The following SP140L variants were observed in gnomAD, a reference collection of about 807,000 sequenced individuals.
SP140L encodes the protein SP140 like nuclear body protein.
SP140L carries 64 observed loss-of-function variants against 84.3 expected under a neutral mutation model. That is an observed-to-expected ratio of 0.76 (90% confidence interval 0.62 to 0.94). SP140L has a LOEUF of 0.94. SP140L is among the 40% of genes least tolerant of loss of function. The pLI, the probability that SP140L is intolerant of heterozygous loss-of-function variation, is 0.00. For synonymous variants in SP140L, 242 were observed against 236.9 expected, an observed-to-expected ratio of 1.02 and a Z score of -0.20; for missense variants, 628 against 692.5, an observed-to-expected ratio of 0.91 and a Z score of 1.05.
intron 5 of SP140L, among the ~76,000 whole-genome samples, chr2:230,366,980 G>A (rs891928753): frequency 1.3e-5 from 2 of 151,704 alleles, no homozygotes; most frequent in African/African-American, 4.8e-5. Flanking sequence ...TGTCCACCTC[G>A]GCCTCCCAAA....
chr2:230,366,891 C>G (rs2060896085), intron 5 of SP140L, among the ~76,000 whole-genome samples: 1 of 151,924 alleles, frequency 6.6e-6, no homozygotes. Flanking sequence ...TGCCACCAAG[C>G]CTGGCTAATT....
chr2:230,358,156 G>A (rs1269442580), intron 3 of SP140L, among the ~76,000 whole-genome samples, 189 bp downstream of exon 3: 6 of 152,148 alleles, frequency 3.9e-5, no homozygotes, highest in Admixed American at 2.6e-4. Flanking sequence ...GGAGAAACTG[G>A]AACGGAAACA....
At chr2:230,360,363 G>A (rs2149737563) in intron 4 of SP140L, among the ~76,000 whole-genome samples, 1 of 152,240 alleles carries the variant, frequency 6.6e-6, no homozygotes, top group Middle Eastern at 3.4e-3. Context: ...AGGCAATAAA[G>A]AAATACTACA....
intron 2 of SP140L, among the ~76,000 whole-genome samples, chr2:230,334,237 C>T (rs937485176): frequency 1.3e-5 from 2 of 152,188 alleles, no homozygotes; most frequent in African/African-American, 4.8e-5. Context: ...CATACATGGG[C>T]TTACTCCTTG....
At chr2:230,369,083 C>G (rs910807828) in intron 5 of SP140L, among the ~76,000 whole-genome samples, 5 of 152,188 alleles carry the variant, frequency 3.3e-5, no homozygotes, top group Non-Finnish European at 7.3e-5. Flanking sequence ...CTTATTTCAG[C>G]CTCTGTAGAT....
chr2:230,398,094 A>G (rs953928171), intron 14 of SP140L, among the ~76,000 whole-genome samples: 2 of 142,226 alleles, frequency 1.4e-5, no homozygotes, highest in Admixed American at 6.9e-5. Flanking sequence ...TTTAAAAAAT[A>G]TTGTTGCCTG....
chr2:230,370,064 A>C (rs7588461), intron 5 of SP140L, among the ~76,000 whole-genome samples: 5 of 151,868 alleles, frequency 3.3e-5, no homozygotes, highest in Non-Finnish European at 7.4e-5. Flanking sequence ...GAGCCACCGC[A>C]CCCTGCCACT....
At chr2:230,395,396 G>A (rs150359911) in intron 13 of SP140L, among the ~76,000 whole-genome samples, 8 of 152,014 alleles carry the variant, frequency 5.3e-5, no homozygotes, top group Non-Finnish European at 1.0e-4. Context: ...TGGACACATC[G>A]TGAGATATCA....
chr2:230,397,986 A>G (rs1470887455), intron 14 of SP140L, among the ~76,000 whole-genome samples: 3 of 152,208 alleles, frequency 2.0e-5, no homozygotes, highest in Non-Finnish European at 2.9e-5. Flanking sequence ...TCCAAGGCCA[A>G]TAAGAACATT....
intron 2 of SP140L, among the ~76,000 whole-genome samples, chr2:230,351,468 A>G (rs2060362178): frequency 6.6e-6 from 1 of 152,246 alleles, no homozygotes; most frequent in African/African-American, 2.4e-5. Context: ...TTGCCTATTA[A>G]TATCAGGTAT....
intron 7 of SP140L, among the ~76,000 whole-genome samples, chr2:230,381,015 G>A (rs13383901): frequency 0.23 from 34,946 of 151,888 alleles, 4,265 homozygotes; most frequent in Non-Finnish European, 0.28. Flanking sequence ...TAGAGTAGAC[G>A]CATCAGTTCT....
chr2:230,393,320 C>T (rs2061903941), intron 12 of SP140L, 94 bp from the exon 13 acceptor site: 1 of 1,390,850 alleles, frequency 7.2e-7, no homozygotes. Flanking sequence ...CATTGGAACA[C>T]TCAGGTAGAA....
At chr2:230,391,404 T>A (rs1243782144) in intron 11 of SP140L, among the ~76,000 whole-genome samples, 1 of 152,242 alleles carries the variant, frequency 6.6e-6, no homozygotes, top group African/African-American at 2.4e-5. Context: ...TTTTTTATTA[T>A]GATCATCCTA....
At chr2:230,385,837 G>A (rs988505372) in intron 9 of SP140L, among the ~76,000 whole-genome samples, 2 of 151,488 alleles carry the variant, frequency 1.3e-5, no homozygotes, top group East Asian at 3.9e-4. Context: ...ACATATAGTT[G>A]GGGGGTGACA....
chr2:230,333,551 C>G (rs1191602631), intron 2 of SP140L, among the ~76,000 whole-genome samples: 3 of 152,174 alleles, frequency 2.0e-5, no homozygotes, highest in Non-Finnish European at 4.4e-5. Context: ...ATTCTAAATT[C>G]TCATGATGGT....
At chr2:230,358,083 T>A (rs552405688) in intron 3 of SP140L, 116 bp downstream of exon 3, 1 of 1,222,696 alleles carries the variant, frequency 8.2e-7, no homozygotes, top group African/African-American at 1.5e-5. Context: ...CCAGAGATGG[T>A]CCTACTTCCA....
At chr2:230,329,610 A>G (rs1257397095) in intron 2 of SP140L, among the ~76,000 whole-genome samples, 2 of 152,202 alleles carry the variant, frequency 1.3e-5, no homozygotes, top group Non-Finnish European at 2.9e-5. Context: ...ATGGTTTTGT[A>G]AATGATAGCT....
intron 5 of SP140L, among the ~76,000 whole-genome samples, chr2:230,367,887 A>T (rs976791721): frequency 6.6e-6 from 1 of 152,208 alleles, no homozygotes; most frequent in Non-Finnish European, 1.5e-5. Context: ...AGCTGAGATC[A>T]CACCACTGCA....
chr2:230,343,571 T>C (rs1464641470), intron 2 of SP140L, among the ~76,000 whole-genome samples: 1 of 122,608 alleles, frequency 8.2e-6, no homozygotes, highest in Non-Finnish European at 1.8e-5. Context: ...TATAATAGAA[T>C]GATTTATATT....
Sources: gnomAD v4.1 joint callset for allele counts (sites outside exome capture counted in the v4.1 genomes callset) on GRCh38, gnomAD v4.1.1 for gene constraint, MANE v1.5 for transcripts, NCBI Gene and HGNC (gene_info 2026-07-23, HGNC 2026-07-21) for gene names.